BACH2: variants seen among roughly 807,000 people sequenced by gnomAD.
BACH2 encodes the protein BACH transcriptional regulator 2.
In BACH2, 5 loss-of-function variants were observed where a neutral mutation model predicts 61.8. That is an observed-to-expected ratio of 0.08 (90% confidence interval 0.04 to 0.17). The LOEUF (loss-of-function observed/expected upper bound fraction) is 0.17. Ranked by LOEUF, BACH2 falls within the 10% of genes least tolerant of loss-of-function variation. BACH2 has a pLI of 1.00. For missense variants in BACH2, 824 were observed against 1,091.1 expected, an observed-to-expected ratio of 0.76 and a Z score of 3.45; for synonymous variants, 446 against 440.1, an observed-to-expected ratio of 1.01 and a Z score of -0.17.
At chr6:90,070,336 G>A (rs1781165944) in intron 5 of BACH2, among the ~76,000 whole-genome samples, 1 of 152,146 alleles carries the variant, frequency 6.6e-6, no homozygotes, top group South Asian at 2.1e-4. Flanking sequence ...AAGAGACCAG[G>A]AAGCACATGG....
At chr6:90,013,673 ATT>A (rs565945191) in intron 5 of BACH2, among the ~76,000 whole-genome samples, 6 of 150,012 alleles carry the variant, frequency 4.0e-5, no homozygotes, top group Admixed American at 6.6e-5. Flanking sequence ...TGCCAGGCTA[ATT>A]TTTTTTGTAT....
intron 5 of BACH2, among the ~76,000 whole-genome samples, chr6:90,024,479 C>T (rs536283180): frequency 4.6e-5 from 7 of 152,252 alleles, no homozygotes; most frequent in East Asian, 1.9e-4. Context: ...TCAGAGATCT[C>T]GTGTTTTGTC....
chr6:90,211,478 A>C (rs1297469400), intron 3 of BACH2, among the ~76,000 whole-genome samples: 1 of 152,106 alleles, frequency 6.6e-6, no homozygotes, highest in Non-Finnish European at 1.5e-5. Flanking sequence ...CCATGGAGAG[A>C]AGCCTATTTT....
chr6:90,250,225 T>C (rs1046861795), intron 3 of BACH2, among the ~76,000 whole-genome samples: 2 of 152,204 alleles, frequency 1.3e-5, no homozygotes, highest in African/African-American at 4.8e-5. Context: ...GCGAATCCTG[T>C]TTAAATTTTG....
intron 2 of BACH2, among the ~76,000 whole-genome samples, chr6:90,262,330 G>T (rs967889310): frequency 2.2e-4 from 34 of 152,270 alleles, no homozygotes; most frequent in African/African-American, 7.9e-4. Context: ...TTTGGTTTGG[G>T]ATTCATTTGT....
intron 5 of BACH2, among the ~76,000 whole-genome samples, chr6:90,038,292 G>A (rs1779360464): frequency 6.6e-6 from 1 of 152,114 alleles, no homozygotes; most frequent in Admixed American, 6.5e-5. Flanking sequence ...ACTATTATCA[G>A]CACCCCAGAA....
intron 4 of BACH2, among the ~76,000 whole-genome samples, chr6:90,138,619 T>C (rs1454887627): frequency 1.3e-5 from 2 of 152,034 alleles, no homozygotes; most frequent in Non-Finnish European, 2.9e-5. Flanking sequence ...AAAATCACTA[T>C]AATAGCTTGG....
intron 4 of BACH2, among the ~76,000 whole-genome samples, chr6:90,128,955 C>T (rs1343136846): frequency 2.6e-5 from 4 of 152,000 alleles, no homozygotes; most frequent in East Asian, 1.9e-4. Context: ...AGCAAACTAT[C>T]GCAAGGGCAA....
intron 3 of BACH2, among the ~76,000 whole-genome samples, chr6:90,245,838 T>A (rs1365309241): frequency 6.6e-6 from 1 of 152,162 alleles, no homozygotes; most frequent in Non-Finnish European, 1.5e-5. Flanking sequence ...TGTAACAGGG[T>A]GGAAACAGAA....
intron 5 of BACH2, among the ~76,000 whole-genome samples, chr6:90,014,438 GTGTATATA>G (rs1456520950): frequency 4.1e-4 from 30 of 73,164 alleles, no homozygotes; most frequent in Middle Eastern, 9.4e-3. Flanking sequence ...GTGTGTGTGT[GTGTATATA>G]TATATATATA....
intron 6 of BACH2, among the ~76,000 whole-genome samples, chr6:89,992,089 C>T (rs529055411): frequency 6.6e-6 from 1 of 152,284 alleles, no homozygotes; most frequent in African/African-American, 2.4e-5. Flanking sequence ...AGTCTCACTC[C>T]TATCCCAAAC....
intron 5 of BACH2, among the ~76,000 whole-genome samples, chr6:90,048,414 TGGC>T (rs1779888065): frequency 6.6e-6 from 1 of 152,184 alleles, no homozygotes; most frequent in African/African-American, 2.4e-5. Flanking sequence ...CATGCTGCCA[TGGC>T]ATGTCATCAG....
chr6:90,057,942 T>C (rs915381031), intron 5 of BACH2, among the ~76,000 whole-genome samples: 3 of 152,182 alleles, frequency 2.0e-5, no homozygotes, highest in African/African-American at 7.2e-5. Context: ...CTAAAAACTC[T>C]CAATAAATTA....
At chr6:90,098,813 G>C (rs1246219689) in intron 4 of BACH2, among the ~76,000 whole-genome samples, 9 of 152,138 alleles carry the variant, frequency 5.9e-5, no homozygotes, top group Admixed American at 5.2e-4. Context: ...ACTTGTTTCA[G>C]CTTCCGGAAC....
intron 3 of BACH2, among the ~76,000 whole-genome samples, chr6:90,228,872 G>A (rs796408935): frequency 3.3e-5 from 5 of 152,336 alleles, no homozygotes; most frequent in African/African-American, 1.2e-4. Flanking sequence ...ATGAGCCTAA[G>A]TATAAGAACA....
intron 6 of BACH2, among the ~76,000 whole-genome samples, chr6:89,989,371 G>C (rs1259845296): frequency 6.6e-6 from 1 of 152,084 alleles, no homozygotes; most frequent in Non-Finnish European, 1.5e-5. Flanking sequence ...GAGTACTTTA[G>C]GTATGTCACA....
At chr6:90,187,070 A>G (rs983368884) in intron 4 of BACH2, among the ~76,000 whole-genome samples, 4 of 152,262 alleles carry the variant, frequency 2.6e-5, no homozygotes, top group African/African-American at 9.6e-5. Context: ...CCTATAAAAA[A>G]TTAGAAATTC....
chr6:89,975,595 G>C (rs1775607936), intron 6 of BACH2, among the ~76,000 whole-genome samples: 2 of 152,154 alleles, frequency 1.3e-5, no homozygotes, highest in African/African-American at 4.8e-5. Context: ...CCGCTGTCTG[G>C]TAATGTACTT....
At chr6:89,959,442 A>G (rs1388243051) in intron 6 of BACH2, among the ~76,000 whole-genome samples, 1 of 152,122 alleles carries the variant, frequency 6.6e-6, no homozygotes, top group East Asian at 1.9e-4. Flanking sequence ...ACCATAACCC[A>G]CATTTTTGCT....
Sources: gnomAD v4.1 joint callset for allele counts (sites outside exome capture counted in the v4.1 genomes callset) on GRCh38, gnomAD v4.1.1 for gene constraint, MANE v1.5 for transcripts, NCBI Gene and HGNC (gene_info 2026-07-23, HGNC 2026-07-21) for gene names.